MYO10: variants seen among roughly 807,000 people sequenced by gnomAD.
MYO10 encodes the protein myosin X.
In MYO10, 133 loss-of-function variants were observed where a neutral mutation model predicts 257.3. The ratio of observed to expected loss-of-function variants is 0.52; its 90% CI spans 0.45 to 0.60. The LOEUF (loss-of-function observed/expected upper bound fraction) is 0.60. Ranked by LOEUF, MYO10 falls within the 20% of genes least tolerant of loss-of-function variation. The probability of loss-of-function intolerance (pLI) is 0.00; values close to 1 mark genes in which losing one functional copy is unlikely to be tolerated. For missense variants in MYO10, 2,399 were observed against 2,635.7 expected, an observed-to-expected ratio of 0.91 and a Z score of 1.97; for synonymous variants, 1,104 against 1,028.6, an observed-to-expected ratio of 1.07 and a Z score of -1.40.
chr5:16,896,817 T>C (rs1745232030), intron 1 of MYO10, among the ~76,000 whole-genome samples: 1 of 151,938 alleles, frequency 6.6e-6, no homozygotes, highest in South Asian at 2.1e-4. Context: ...GCCTTCTGGG[T>C]GGTTACCAAA....
chr5:16,883,559 G>A (rs535461533), intron 1 of MYO10, among the ~76,000 whole-genome samples: 10 of 152,192 alleles, frequency 6.6e-5, no homozygotes, highest in African/African-American at 1.7e-4. Context: ...CCTGGCCAAC[G>A]GCCTCCTGCT....
intron 1 of MYO10, among the ~76,000 whole-genome samples, chr5:16,930,469 G>A (rs920810314): frequency 2.6e-5 from 4 of 152,288 alleles, no homozygotes; most frequent in African/African-American, 7.2e-5. Context: ...TACAAAATCT[G>A]CCAGAAATGT....
At chr5:16,777,374 C>T (rs1741250639) in intron 9 of MYO10, among the ~76,000 whole-genome samples, 1 of 152,142 alleles carries the variant, frequency 6.6e-6, no homozygotes, top group Non-Finnish European at 1.5e-5. Flanking sequence ...ATTTCATTTT[C>T]AACTTAAGGA....
intron 2 of MYO10, among the ~76,000 whole-genome samples, chr5:16,842,223 T>A (rs1362779135): frequency 1.3e-5 from 2 of 152,176 alleles, no homozygotes; most frequent in Non-Finnish European, 2.9e-5. Flanking sequence ...GTAGAAGTTG[T>A]ATGCTTGCCT....
At chr5:16,777,566 G>C (rs1227121380) in intron 9 of MYO10, among the ~76,000 whole-genome samples, 1 of 152,166 alleles carries the variant, frequency 6.6e-6, no homozygotes, top group Non-Finnish European at 1.5e-5. Context: ...ACTGAAACCA[G>C]GTATTACTGC....
intron 1 of MYO10, among the ~76,000 whole-genome samples, chr5:16,896,571 C>T (rs555590833): frequency 5.3e-5 from 8 of 152,060 alleles, no homozygotes; most frequent in African/African-American, 1.9e-4. Flanking sequence ...CCAGCCTGGG[C>T]AACAAAGCAA....
intron 2 of MYO10, among the ~76,000 whole-genome samples, chr5:16,860,122 G>A (rs1005266022): frequency 2.0e-5 from 3 of 152,124 alleles, no homozygotes; most frequent in Non-Finnish European, 2.9e-5. Flanking sequence ...TGGAAGAAGC[G>A]GCCAATCACT....
At position 16,764,308 on chromosome 5, in the gene MYO10, C is replaced by A; in HGVS notation, c.1268G>T (p.Gly423Val). ...VIKKINSRIK[G>V]NEDFKSIGIL... ...GCCAATAGACTTGAAGTCCTCATTG[C>A]CTTTGATCCTGCTGTTGATCTTCTT... Residue 423 changes from glycine to valine, a missense_variant, in exon 12 of 41, where the codon GGC becomes GTC. This residue lies in a region of MYO10 where 337 missense variants were observed against 446.8 expected (regional missense o/e 0.75). Transcript: ENST00000513610. The A allele has an allele frequency of 6.2e-7, 1 of 1,613,980 alleles. No individual in the cohort carries two copies. Among genetic ancestry groups the A allele is most frequent in the South Asian group, 1.1e-5 (1 of 91,078 alleles).
At position 16,742,220 on chromosome 5, in the gene MYO10, C is replaced by A. The variant is rs370395273; in HGVS notation, c.1929+12608G>T. Reference sequence around the variant, plus strand: ...ATCCACCCAGAGAACAAGAACAGCACTCTTTGCTGGTGCTGAGCTTCACTC... The same window carrying A: ...ATCCACCCAGAGAACAAGAACAGCAATCTTTGCTGGTGCTGAGCTTCACTC... On this transcript the variant is annotated intron_variant, in intron 19 of 40. Transcript: ENST00000513610. The A allele has an allele frequency of 1.2e-5, 12 of 985,256 alleles. No homozygotes were observed. In the East Asian group the frequency reaches 4.5e-4, roughly 37 times the overall value. The allele number at this position is 985,256 out of a possible 1,614,324, so 61.0% of individuals were successfully genotyped here. A position where few individuals can be genotyped will look rare whatever the true frequency, so the allele number is the denominator to read the frequency against.
intron 2 of MYO10, among the ~76,000 whole-genome samples, chr5:16,823,394 G>A (rs1339615736): frequency 1.6e-5 from 2 of 123,274 alleles, no homozygotes; most frequent in Non-Finnish European, 3.3e-5. Flanking sequence ...GTAGTGAGCC[G>A]AGATGGCACC....
intron 19 of MYO10, among the ~76,000 whole-genome samples, chr5:16,734,348 T>C (rs1287409905): frequency 6.6e-6 from 1 of 152,188 alleles, no homozygotes; most frequent in Admixed American, 6.5e-5. Context: ...TCCCCACGCC[T>C]ACCCCAAAAT....
At chr5:16,788,075 T>C (rs1579991289) in intron 4 of MYO10, among the ~76,000 whole-genome samples, 2 of 152,270 alleles carry the variant, frequency 1.3e-5, no homozygotes, top group Middle Eastern at 6.8e-3. Context: ...ATTACAGGCA[T>C]GAGCCACCAG....
At position 16,665,637 on chromosome 5, in the gene MYO10, T is replaced by C. The variant is rs1736129218; in HGVS notation, c.*1055A>G. 6.6e-6 allele frequency: 1 copy of C among 152,332 alleles called. No individual in the cohort carries two copies. Among genetic ancestry groups the C allele is most frequent in the Non-Finnish European group, 1.5e-5 (1 of 68,040 alleles). The allele number at this position is 152,332 out of a possible 1,614,324, so 9.4% of individuals were successfully genotyped here. Reference sequence around the variant, plus strand: ...TCTGGAATGCAGCGTCTCTCCCCCATAGTCAACATGGTTATTATATCTGTA... The same window carrying C: ...TCTGGAATGCAGCGTCTCTCCCCCACAGTCAACATGGTTATTATATCTGTA... On this transcript the variant is annotated 3_prime_UTR_variant, in exon 41 of 41. Coordinates refer to ENST00000513610, the MANE Select transcript of MYO10 (RefSeq NM_012334.3).
intron 2 of MYO10, among the ~76,000 whole-genome samples, chr5:16,844,668 A>G (rs1008077500): frequency 4.6e-5 from 7 of 152,172 alleles, no homozygotes; most frequent in African/African-American, 1.7e-4. Flanking sequence ...TTCACCTTGT[A>G]TATTAGGTTT....
rs374330793 is a variant in MYO10 at position 16,675,005 on chromosome 5, G to A, written c.4812C>T (p.Asp1604=). Residue 1604 remains aspartate, a synonymous_variant, in exon 35 of 41, where the codon GAC becomes GAT. Transcript: ENST00000513610. The part of the protein sequence containing the change: ...QTGHDLRPLR[D]ELYCQLIKQT... ...GTTTGATAAGCTGGCAGTACAGCTC[G>A]TCCCGCAGAGGTCGCAGGTCATGCC... is the stretch of plus-strand genomic sequence containing the variant. 2,596 of 1,614,006 alleles carry A rather than the reference G, an allele frequency of 1.6e-3. 4 individuals carry two copies. Among genetic ancestry groups the A allele is most frequent in the Non-Finnish European group, 2.0e-3 (2,323 of 1,179,892 alleles).
intron 33 of MYO10, among the ~76,000 whole-genome samples, chr5:16,677,416 CTTTTTTT>C (rs796474728): frequency 0.067 from 8,049 of 119,530 alleles, 820 homozygotes; most frequent in African/African-American, 0.24. Context: ...GTAACTTGAC[CTTTTTTT>C]TTTTTTTTTT....
chr5:16,919,438 A>C (rs116705203), intron 1 of MYO10, among the ~76,000 whole-genome samples: 1,943 of 152,086 alleles, frequency 0.013, 39 homozygotes, highest in African/African-American at 0.045. Flanking sequence ...CCTCCAAATG[A>C]GTTCATGGAG....
chr5:16,769,976 C>T (rs553174155), intron 9 of MYO10, among the ~76,000 whole-genome samples: 3 of 151,884 alleles, frequency 2.0e-5, no homozygotes, highest in South Asian at 2.1e-4. Flanking sequence ...TCATGTTGGC[C>T]AGGCTGGTCT....
At chr5:16,862,661 T>G (rs1038913794) in intron 2 of MYO10, among the ~76,000 whole-genome samples, 2 of 152,222 alleles carry the variant, frequency 1.3e-5, no homozygotes, top group African/African-American at 4.8e-5. Context: ...TTTATTCCAG[T>G]CACAAATTAC....
Sources: allele counts gnomAD v4.1 joint callset (sites outside exome capture counted in the v4.1 genomes callset), GRCh38; gene constraint gnomAD v4.1.1; regional missense constraint gnomAD v4.1.1; transcripts MANE v1.5; gene names NCBI Gene and HGNC (gene_info 2026-07-23, HGNC 2026-07-21).